Variants in STAP2 observed in about 807,000 individuals in gnomAD.
STAP2 encodes the protein signal transducing adaptor family member 2.
STAP2 carries 58 observed loss-of-function variants against 52.7 expected under a neutral mutation model. The ratio of observed to expected loss-of-function variants is 1.10; its 90% CI spans 0.89 to 1.37. STAP2 has a LOEUF of 1.37. Among genes scored for constraint, STAP2 ranks in the 40% most tolerant of loss-of-function variants. The pLI is 0.00. For missense variants in STAP2, 522 were observed against 519.4 expected (o/e 1.00, Z -0.05); for synonymous variants, 231 against 210.5 (o/e 1.10, Z -0.84).
At position 4,333,769 on chromosome 19, in the gene STAP2, C is replaced by A. The variant is rs774790942; in HGVS notation, c.222G>T (p.Glu74Asp). The change falls in exon 3 of 13, where the codon GAG (glutamate) becomes GAT (aspartate). Residue 74 changes from glutamate (E) to aspartate (D), a missense_variant. Glu to Asp is a conservative substitution (Grantham distance 45). Coordinates refer to ENST00000594605, the MANE Select transcript of STAP2 (RefSeq NM_001013841.2). The stretch of plus-strand genomic sequence containing the variant: ...GGTCACGTGAGCTTCCCCAGGGAAT[C>A]TCATCTGTGAGTTTCTCAAATGCTC... The part of the protein sequence containing the change: ...NLGAFEKLTD[E>D]IPWGSSRDPG... 1.9e-6 allele frequency: 3 copies of A among 1,613,692 alleles called. No homozygotes were observed. In the South Asian group the frequency reaches 3.3e-5, roughly 18 times the overall value.
intron 9 of STAP2, among the ~76,000 whole-genome samples, chr19:4,326,722 C>T (rs192954302): frequency 6.6e-4 from 101 of 152,240 alleles, no homozygotes; most frequent in Admixed American, 3.3e-3. Context: ...AAATTCAACC[C>T]TACAGGATGA....
At chr19:4,330,540 CAAAAAAA>C (rs1201004457) in intron 4 of STAP2, among the ~76,000 whole-genome samples, 2 of 109,860 alleles carry the variant, frequency 1.8e-5, no homozygotes, top group Admixed American at 9.3e-5. Context: ...CCAACCCCAC[CAAAAAAA>C]AAAAAAAAAG....
chr19:4,334,096 T>C, intron 1 of STAP2, 52 bp from the exon 2 acceptor site: 1 of 1,501,434 alleles, frequency 6.7e-7, no homozygotes, highest in Non-Finnish European at 9.1e-7. Flanking sequence ...GCTGAGTGCC[T>C]TTCATGTACT....
intron 3 of STAP2, among the ~76,000 whole-genome samples, chr19:4,333,177 C>T (rs572532614): frequency 4.7e-4 from 69 of 145,504 alleles, no homozygotes; most frequent in African/African-American, 1.2e-3. Flanking sequence ...GTGATAAGAG[C>T]GAAACTCAAA....
In STAP2 at chr19:4,338,636, C is replaced by A. The variant is rs775236053; in HGVS notation, c.102+16G>T. On this transcript the variant is annotated intron_variant, in intron 1 of 12. Transcript: ENST00000594605. ...ACGGTGGCCCAGCAGGGCCAGCCCC[C>A]GCCTCCCCACCTTACCCGGTCACAG... 1.2e-6 allele frequency: 2 copies of A among 1,608,594 alleles called. No individual in the cohort carries two copies. Among genetic ancestry groups the A allele is most frequent in the South Asian group, 2.2e-5 (2 of 90,470 alleles).
chr19:4,328,537 C>A (rs962868760), intron 6 of STAP2, 138 bp downstream of exon 6: 1 of 1,216,956 alleles, frequency 8.2e-7, no homozygotes. Context: ...CGTCCCCAGA[C>A]GCCCGTCTCG....
At chr19:4,327,037 C>T in intron 8 of STAP2, 30 bp from the exon 9 acceptor site, 4 of 1,588,260 alleles carry the variant, frequency 2.5e-6, no homozygotes, top group Non-Finnish European at 3.4e-6. Context: ...CTGGAGGAAG[C>T]GCGGCGGCCA....
intron 12 of STAP2, 115 bp from the exon 13 acceptor site, chr19:4,324,312 A>G (rs1971746945): frequency 1.5e-6 from 2 of 1,311,628 alleles, no homozygotes; most frequent in Non-Finnish European, 2.1e-6. Flanking sequence ...GCAACAGGAC[A>G]GTGTGCTCGA....
Position 4,325,416 on chromosome 19 carries a change from A to G in STAP2, c.959T>C (p.Val320Ala). The change falls in exon 10 of 13, where the codon GTT (valine) becomes GCT (alanine). Residue 320 changes from valine to alanine, a missense_variant. Coordinates refer to ENST00000594605, the MANE Select transcript of STAP2 (RefSeq NM_001013841.2). ...CCCACCATCTTGGTTCTCATAGTCA[A>G]CAGCTGGGCCATCTCCAATGGGGGT... ...YVTPIGDGPA[V>A]DYENQDVASS... The G allele has an allele frequency of 6.2e-7, 1 of 1,614,068 alleles. No individual in the cohort carries two copies. Among genetic ancestry groups the G allele is most frequent in the Non-Finnish European group, 8.5e-7 (1 of 1,180,028 alleles).
At position 4,328,780 on chromosome 19, in the gene STAP2, G is replaced by A. The variant is rs1191455323; in HGVS notation, c.485C>T (p.Ala162Val). ...SCFLKVSRLE[A>V]QLLLERYPEC... ...GGGGTAGCGCTCCAGGAGCAGTTGTGCCTCCAGCCGGCTCACCTTCAGGAA... is the reference window on the plus strand; with the variant it reads ...GGGGTAGCGCTCCAGGAGCAGTTGTACCTCCAGCCGGCTCACCTTCAGGAA... The change falls in exon 6 of 13, where the codon GCA (alanine) becomes GTA (valine). Residue 162 changes from alanine (A) to valine (V), a missense_variant. By Grantham distance (64) the Ala-to-Val change is moderately conservative. Transcript: ENST00000594605. 4 of 1,611,120 alleles carry A rather than the reference G, an allele frequency of 2.5e-6. No homozygotes were observed. Among genetic ancestry groups the A allele is most frequent in the South Asian group, 2.2e-5 (2 of 90,786 alleles).
At position 4,333,584 on chromosome 19, in the gene STAP2, A is replaced by G. The variant is rs573535804; in HGVS notation, c.297+110T>C. 1.6e-5 allele frequency: 23 copies of G among 1,400,814 alleles called. No individual in the cohort carries two copies. In the African/African-American group the frequency reaches 2.8e-4, roughly 17 times the overall value. The allele number at this position is 1,400,814 out of a possible 1,614,324, so 86.8% of individuals were successfully genotyped here. On this transcript the variant is annotated intron_variant, in intron 3 of 12. Transcript: ENST00000594605. ...AAGACCCAAGTCTTACCCAGGGCCC[A>G]CAGGGCCCTGTACTACCTGCCCCTT...
intron 1 of STAP2, among the ~76,000 whole-genome samples, chr19:4,337,787 G>A (rs950166187): frequency 6.6e-6 from 1 of 152,054 alleles, no homozygotes; most frequent in African/African-American, 2.4e-5. Context: ...GGAGGTGGAG[G>A]TTGCAGTGAG....
chr19:4,333,544 A>G, intron 3 of STAP2, 150 bp downstream of exon 3: 1 of 948,282 alleles, frequency 1.1e-6, no homozygotes, highest in South Asian at 2.4e-5. Context: ...CATAGCACCC[A>G]GCTCCTTTGG....
chr19:4,324,523 T>C lies in STAP2; in HGVS notation c.1079A>G (p.Lys360Arg), dbSNP rs753948786. 18 of 1,568,622 alleles carry C rather than the reference T, an allele frequency of 1.1e-5. No individual in the cohort carries two copies. Among genetic ancestry groups the C allele is most frequent in the African/African-American group, 5.4e-5 (4 of 74,208 alleles). ...CCTGCCCAAGCCACCATTAAAGACT[T>C]TGGGCTCTGGAAGAGAAGACAGATG... is the stretch of plus-strand genomic sequence containing the variant. ...KPPVGPKPEPKVFNGGLGRKL... is the reference protein window; with the variant it reads ...KPPVGPKPEPRVFNGGLGRKL... The change falls in exon 12 of 13, where the codon AAA (lysine) becomes AGA (arginine). Residue 360 changes from lysine (K) to arginine (R), a missense_variant. Coordinates refer to ENST00000594605, the MANE Select transcript of STAP2 (RefSeq NM_001013841.2).
chr19:4,336,356 T>C (rs987102014), intron 1 of STAP2, among the ~76,000 whole-genome samples: 5 of 131,160 alleles, frequency 3.8e-5, no homozygotes, highest in African/African-American at 1.5e-4. Context: ...TCTCACTCTG[T>C]CACCTAGGCT....
chr19:4,331,065 C>T (rs1243159455), intron 4 of STAP2, among the ~76,000 whole-genome samples: 2 of 151,584 alleles, frequency 1.3e-5, no homozygotes, highest in Non-Finnish European at 2.9e-5. Context: ...CATGGTGGCT[C>T]ACATCTATAA....
chr19:4,338,563 C>CCCA, intron 1 of STAP2, 89 bp downstream of exon 1: 1 of 811,932 alleles, frequency 1.2e-6, no homozygotes, highest in East Asian at 5.1e-5. Flanking sequence ...CCCCGCCCCC[C>CCCA]CTTGGCGAGT....
At position 4,324,378 on chromosome 19, in the gene STAP2, G is replaced by T; in HGVS notation, c.1147+77C>A. The T allele has an allele frequency of 2.2e-6, 3 of 1,392,064 alleles. 1 individual carries two copies. Among genetic ancestry groups the T allele is most frequent in the Non-Finnish European group, 2.9e-6 (3 of 1,020,392 alleles). The allele number at this position is 1,392,064 out of a possible 1,614,324, so 86.2% of individuals were successfully genotyped here. A position where few individuals can be genotyped will look rare whatever the true frequency, so the allele number is the denominator to read the frequency against. On this transcript the variant is annotated intron_variant, in intron 12 of 12. Coordinates refer to ENST00000594605, the MANE Select transcript of STAP2 (RefSeq NM_001013841.2). ...AGAACCTTAAAAGACAGGGCGCTTCGGAGTGTGGGGACTTGTGTGACTGTA... is the reference window on the plus strand; with the variant it reads ...AGAACCTTAAAAGACAGGGCGCTTCTGAGTGTGGGGACTTGTGTGACTGTA...
rs372268872 is a variant in STAP2 at position 4,338,663 on chromosome 19, G to A, written c.91C>T (p.Pro31Ser). 1.4e-4 allele frequency: 223 copies of A among 1,588,958 alleles called. No individual in the cohort carries two copies. Among genetic ancestry groups the A allele is most frequent in the Non-Finnish European group, 1.8e-4 (205 of 1,165,606 alleles). ...CCTCCCCACCTTACCCGGTCACAGGGCCCCTTCTTCTCTAGAAAGCTCTCA... is the reference window on the plus strand; with the variant it reads ...CCTCCCCACCTTACCCGGTCACAGGACCCCTTCTTCTCTAGAAAGCTCTCA... ...YYESFLEKKGPCDRDYKKFWA... is the reference protein window; with the variant it reads ...YYESFLEKKGSCDRDYKKFWA... Residue 31 changes from proline (P) to serine (S), a missense_variant, in exon 1 of 13, where the codon CCC (proline) becomes TCC (serine). Physicochemically the swap from Pro to Ser is moderately conservative, Grantham distance 74. Transcript: ENST00000594605.
Sources: gnomAD v4.1 joint callset for allele counts (sites outside exome capture counted in the v4.1 genomes callset) on GRCh38, gnomAD v4.1.1 for gene constraint, MANE v1.5 for transcripts, NCBI Gene and HGNC (gene_info 2026-07-23, HGNC 2026-07-21) for gene names.